Variants in ERBB4 observed in about 807,000 individuals in gnomAD.
ERBB4 encodes the protein receptor tyrosine-protein kinase erbB-4.
ERBB4 carries 42 observed loss-of-function variants against 158.0 expected under a neutral mutation model. The observed-to-expected ratio is 0.27, with a 90% CI of 0.21 to 0.34. The LOEUF is 0.34. Ranked by LOEUF, ERBB4 falls within the 10% of genes least tolerant of loss-of-function variation. ERBB4 has a pLI of 1.00. For synonymous variants in ERBB4, 583 were observed against 558.7 expected, an observed-to-expected ratio of 1.04 and a Z score of -0.61; for missense variants, 1,333 against 1,624.1, an observed-to-expected ratio of 0.82 and a Z score of 3.08.
intron 1 of ERBB4, among the ~76,000 whole-genome samples, chr2:212,302,660 G>A (rs948412892): frequency 9.2e-5 from 14 of 151,468 alleles, no homozygotes; most frequent in African/African-American, 3.4e-4. Flanking sequence ...ATTGAAGAAA[G>A]AGATGAATGG....
chr2:211,567,551 G>T (rs1049033501), intron 19 of ERBB4, among the ~76,000 whole-genome samples: 1 of 152,118 alleles, frequency 6.6e-6, no homozygotes, highest in Non-Finnish European at 1.5e-5. Flanking sequence ...GTAGAAGAAA[G>T]ATTTTGGGGT....
intron 1 of ERBB4, among the ~76,000 whole-genome samples, chr2:212,511,598 A>G (rs1212703389): frequency 2.6e-5 from 4 of 152,210 alleles, no homozygotes; most frequent in Non-Finnish European, 1.5e-5. Context: ...CTGTGAAACG[A>G]ATAGATACTT....
chr2:212,404,718 A>G (rs1483156453), intron 1 of ERBB4, among the ~76,000 whole-genome samples: 1 of 151,844 alleles, frequency 6.6e-6, no homozygotes, highest in Admixed American at 6.6e-5. Flanking sequence ...CGTGTCACAG[A>G]GGTTTGCAGT....
Position 212,276,385 on chromosome 2 carries a change from C to G in ERBB4, c.83-151482G>C, listed in dbSNP as rs73066363. Among the ~76,000 whole-genome samples, 798 of 151,858 alleles carry G rather than the reference C, an allele frequency of 5.3e-3. 5 individuals are homozygous for G. Among genetic ancestry groups the G allele is most frequent in the African/African-American group, 0.018 (767 of 41,476 alleles). On this transcript the variant is annotated intron_variant, in intron 1 of 27. Coordinates refer to ENST00000342788, the MANE Select transcript of ERBB4 (RefSeq NM_005235.3). ...GTAAACCCAGGGCTGTGAACTGTTTCTGTTCCCAATTCAAGAGACTAAGCT... is the reference window on the plus strand; with the variant it reads ...GTAAACCCAGGGCTGTGAACTGTTTGTGTTCCCAATTCAAGAGACTAAGCT...
rs1693256774 is a variant in ERBB4, at chr2:212,538,750, GC to G, written c.-221del. 1.0e-5 allele frequency: 4 copies of G among 398,446 alleles called. 1 individual carries two copies. The South Asian group carries it at 3.1e-4, about 31-fold the overall frequency. 24.7% of individuals were successfully genotyped at this position (398,446 alleles called of 1,614,324 possible). On this transcript the variant is annotated 5_prime_UTR_variant, in exon 1 of 28. Coordinates refer to ENST00000342788, the MANE Select transcript of ERBB4 (RefSeq NM_005235.3). ...AGGGGGCGAGTGTGAGCGCGTGTGT[GC>G]GCGTGTGGGAGTGTGCTCGGTGTGT... is the stretch of plus-strand genomic sequence containing the variant.
At chr2:211,727,464 G>C (rs976400841) in intron 5 of ERBB4, among the ~76,000 whole-genome samples, 1 of 152,002 alleles carries the variant, frequency 6.6e-6, no homozygotes, top group African/African-American at 2.4e-5. Flanking sequence ...ATATAAGGCA[G>C]TATTCCCTTC....
At chr2:211,673,080 T>C (rs2071904324) in intron 14 of ERBB4, 84 bp downstream of exon 14, 1 of 1,074,318 alleles carries the variant, frequency 9.3e-7, no homozygotes, top group South Asian at 1.3e-5. Context: ...AGCTATTGAA[T>C]GGATGAATAA....
intron 1 of ERBB4, among the ~76,000 whole-genome samples, chr2:212,199,678 C>T (rs2082534795): frequency 6.6e-6 from 1 of 152,144 alleles, no homozygotes; most frequent in Non-Finnish European, 1.5e-5. Context: ...CAGAATTCTA[C>T]GTTTCCTCAG....
intron 2 of ERBB4, among the ~76,000 whole-genome samples, chr2:211,968,714 G>A (rs1454767423): frequency 6.6e-6 from 1 of 151,922 alleles, no homozygotes; most frequent in East Asian, 1.9e-4. Context: ...ACCTATTAAA[G>A]TAAGTAAAAT....
chr2:212,141,255 G>C (rs1321257423), intron 1 of ERBB4, among the ~76,000 whole-genome samples: 1 of 151,736 alleles, frequency 6.6e-6, no homozygotes, highest in Admixed American at 6.6e-5. Context: ...AGATGCTATG[G>C]GTGATAGTCA....
intron 1 of ERBB4, among the ~76,000 whole-genome samples, chr2:212,410,810 C>A (rs1669086617): frequency 6.6e-6 from 1 of 151,980 alleles, no homozygotes; most frequent in Non-Finnish European, 1.5e-5. Context: ...GACTATTCAC[C>A]ATGTAAGACT....
At chr2:211,587,313 C>T (rs1269072559) in intron 19 of ERBB4, among the ~76,000 whole-genome samples, 1 of 152,108 alleles carries the variant, frequency 6.6e-6, no homozygotes, top group East Asian at 1.9e-4. Context: ...CAAGATCACG[C>T]CACTGCACTG....
chr2:212,515,767 T>G (rs1691803285), intron 1 of ERBB4, among the ~76,000 whole-genome samples: 1 of 152,024 alleles, frequency 6.6e-6, no homozygotes. Flanking sequence ...TACGCAAACT[T>G]TCTTCAGGGT....
chr2:211,571,038 C>CCTCTTTTTT (rs1437512949), intron 19 of ERBB4, among the ~76,000 whole-genome samples: 6 of 58,734 alleles, frequency 1.0e-4, no homozygotes, highest in African/African-American at 4.6e-4. Context: ...GAGTACTCTT[C>CCTCTTTTTT]TTCTTTTTTT....
intron 25 of ERBB4, among the ~76,000 whole-genome samples, chr2:211,393,338 C>G (rs1252608192): frequency 6.6e-6 from 1 of 152,024 alleles, no homozygotes; most frequent in Non-Finnish European, 1.5e-5. Context: ...ATTATAACTC[C>G]CATTTTATAG....
intron 2 of ERBB4, among the ~76,000 whole-genome samples, chr2:212,054,742 C>G (rs1023577879): frequency 6.6e-6 from 1 of 152,094 alleles, no homozygotes; most frequent in Non-Finnish European, 1.5e-5. Context: ...TGCTGGCTGC[C>G]AAACAGTGGC....
At chr2:211,787,866 T>C (rs924123221) in intron 4 of ERBB4, among the ~76,000 whole-genome samples, 159 bp downstream of exon 4, 2 of 152,150 alleles carry the variant, frequency 1.3e-5, no homozygotes, top group African/African-American at 2.4e-5. Context: ...TAGCTAGAAG[T>C]AAAAGGTTGA....
In ERBB4 at chr2:211,673,517, C is replaced by CA. The variant is rs71054125; in HGVS notation, c.1623-261dup. On this transcript the variant is annotated intron_variant, in intron 13 of 27. Transcript: ENST00000342788. ...CCTGCAAGACATATTCCAGCAATCT[C>CA]AAAAAAAAAAAAAGCTACAAAGTAT... 7.9e-3 allele frequency among the ~76,000 whole-genome samples: 429 copies of CA among 54,076 alleles called. 72 individuals carry two copies. Among genetic ancestry groups the CA allele is most frequent in the Middle Eastern group, 0.023 (2 of 86 alleles). 35.5% of individuals were successfully genotyped at this position (54,076 alleles called of 152,430 possible).
intron 1 of ERBB4, among the ~76,000 whole-genome samples, chr2:212,232,887 G>A (rs1227930188): frequency 4.0e-5 from 6 of 150,066 alleles, no homozygotes; most frequent in South Asian, 4.7e-4. Flanking sequence ...TGTCCCTTGC[G>A]CTACAGAGAT....
Sources: gnomAD v4.1 joint callset for allele counts (sites outside exome capture counted in the v4.1 genomes callset) on GRCh38, gnomAD v4.1.1 for gene constraint, MANE v1.5 for transcripts, NCBI Gene and HGNC (gene_info 2026-07-23, HGNC 2026-07-21) for gene names.